UNC5D: variants seen among roughly 807,000 people sequenced by gnomAD.
The protein encoded by UNC5D is unc-5 netrin receptor D.
UNC5D carries 39 observed loss-of-function variants against 105.4 expected under a neutral mutation model. The ratio of observed to expected loss-of-function variants is 0.37; its 90% CI spans 0.29 to 0.48. The LOEUF is 0.48. Among genes scored for constraint, UNC5D ranks in the 20% least tolerant of loss-of-function variants. UNC5D has a pLI of 0.98. For synonymous variants in UNC5D, 452 were observed against 450.4 expected (o/e 1.00, Z -0.04); for missense variants, 991 against 1,202.4 (o/e 0.82, Z 2.60).
intron 1 of UNC5D, among the ~76,000 whole-genome samples, chr8:35,427,057 A>T (rs1332973971): frequency 1.3e-5 from 2 of 152,160 alleles, no homozygotes; most frequent in Non-Finnish European, 1.5e-5. Flanking sequence ...ATCTTCTTTG[A>T]TTTATTCCCC....
At chr8:35,551,365 G>A (rs534622683) in intron 2 of UNC5D, among the ~76,000 whole-genome samples, 1 of 152,290 alleles carries the variant, frequency 6.6e-6, no homozygotes, top group Admixed American at 6.5e-5. Context: ...ATAATTAGTA[G>A]GTAGAAGAGT....
chr8:35,572,997 G>A (rs987954910), intron 3 of UNC5D, among the ~76,000 whole-genome samples: 8 of 151,908 alleles, frequency 5.3e-5, no homozygotes, highest in African/African-American at 1.7e-4. Flanking sequence ...TAGAGACGGG[G>A]TTTCACCGTG....
chr8:35,371,729 C>T (rs867535484), intron 1 of UNC5D, among the ~76,000 whole-genome samples: 1 of 152,170 alleles, frequency 6.6e-6, no homozygotes, highest in Non-Finnish European at 1.5e-5. Context: ...TGTGCACCCT[C>T]CTACAATTCT....
At chr8:35,250,449 A>C (rs149259103) in intron 1 of UNC5D, among the ~76,000 whole-genome samples, 68 of 152,270 alleles carry the variant, frequency 4.5e-4, no homozygotes, top group Admixed American at 4.4e-3. Context: ...AGGTTTGAGA[A>C]TGATTGATCC....
intron 1 of UNC5D, among the ~76,000 whole-genome samples, chr8:35,425,358 C>T (rs1806173089): frequency 6.6e-6 from 1 of 152,068 alleles, no homozygotes; most frequent in Non-Finnish European, 1.5e-5. Context: ...CCACTTCAGT[C>T]CCTGGCTAAA....
At chr8:35,518,940 G>C (rs533549714) in intron 1 of UNC5D, among the ~76,000 whole-genome samples, 87 of 152,202 alleles carry the variant, frequency 5.7e-4, no homozygotes, top group Non-Finnish European at 1.5e-4. Context: ...GATCACAAGA[G>C]GTGGGGAATT....
intron 1 of UNC5D, among the ~76,000 whole-genome samples, chr8:35,432,110 T>C (rs1222022819): frequency 6.6e-6 from 1 of 152,134 alleles, no homozygotes. Context: ...ATCTATAATA[T>C]ACTAGCTGTG....
intron 1 of UNC5D, among the ~76,000 whole-genome samples, chr8:35,505,216 T>C (rs1812231712): frequency 6.6e-6 from 1 of 152,238 alleles, no homozygotes; most frequent in Non-Finnish European, 1.5e-5. Flanking sequence ...GATGACCTGT[T>C]TTCTAAATTT....
intron 1 of UNC5D, among the ~76,000 whole-genome samples, chr8:35,248,252 AAT>A (rs1290017381): frequency 9.3e-6 from 1 of 107,262 alleles, no homozygotes; most frequent in African/African-American, 4.1e-5. Context: ...ATAATATATA[AAT>A]ATATGTTATA....
At chr8:35,555,762 G>A (rs1816493481) in intron 2 of UNC5D, among the ~76,000 whole-genome samples, 1 of 151,502 alleles carries the variant, frequency 6.6e-6, no homozygotes, top group African/African-American at 2.4e-5. Context: ...AAAGGTAGAG[G>A]TTGCAGTGAG....
At chr8:35,471,983 C>T (rs1027025530) in intron 1 of UNC5D, among the ~76,000 whole-genome samples, 2 of 151,524 alleles carry the variant, frequency 1.3e-5, no homozygotes, top group Non-Finnish European at 2.9e-5. Flanking sequence ...CAGTACTAGA[C>T]AGGTAAAACT....
Position 35,522,938 on chromosome 8 carries a change from A to G in UNC5D, c.104-26354A>G, listed in dbSNP as rs1813590610. On this transcript the variant is annotated intron_variant, in intron 1 of 16. Coordinates refer to ENST00000404895, the MANE Select transcript of UNC5D (RefSeq NM_080872.4). ...TCTGAAAACTTGCTTGAATAGCCTG[A>G]TAACAGTATTTGCCAATCAATGATT... 1.3e-5 allele frequency among the ~76,000 whole-genome samples: 2 copies of G among 152,198 alleles called. 1 individual carries two copies. The highest frequency in any genetic ancestry group is 4.1e-4 in the South Asian group (2 of 4,832).
intron 1 of UNC5D, among the ~76,000 whole-genome samples, chr8:35,445,314 A>T (rs1585859744): frequency 3.3e-5 from 5 of 152,096 alleles, no homozygotes; most frequent in Non-Finnish European, 5.9e-5. Context: ...AGTTAACAAA[A>T]TAAAAACTAT....
At chr8:35,580,162 T>C (rs983550624) in intron 3 of UNC5D, among the ~76,000 whole-genome samples, 2 of 152,164 alleles carry the variant, frequency 1.3e-5, no homozygotes, top group Non-Finnish European at 1.5e-5. Context: ...AAGAATGAGA[T>C]ACTGGTTTTA....
intron 1 of UNC5D, among the ~76,000 whole-genome samples, chr8:35,280,025 T>C (rs545517164): frequency 1.9e-4 from 29 of 152,272 alleles, no homozygotes; most frequent in African/African-American, 6.7e-4. Context: ...AGACAGAGTC[T>C]CACTTTGTCA....
Position 35,241,920 on chromosome 8 carries a change from T to C in UNC5D, c.103+6033T>C, listed in dbSNP as rs575539010. Among the ~76,000 whole-genome samples, 3 of 152,352 alleles carry C rather than the reference T, an allele frequency of 2.0e-5. No individual in the cohort carries two copies. The East Asian group carries it at 5.8e-4, about 29-fold the overall frequency. On this transcript the variant is annotated intron_variant, in intron 1 of 16. Coordinates refer to ENST00000404895, the MANE Select transcript of UNC5D (RefSeq NM_080872.4). ...GTCACCCTACTGATCTATCAGACAC[T>C]GGGTCTTATTCTATTAAGTGGTATA...
intron 1 of UNC5D, among the ~76,000 whole-genome samples, chr8:35,285,245 C>T (rs574858715): frequency 4.6e-5 from 7 of 152,238 alleles, no homozygotes; most frequent in South Asian, 2.1e-4. Context: ...AAAAGGCCTG[C>T]GTATTTTTCC....
intron 1 of UNC5D, among the ~76,000 whole-genome samples, chr8:35,281,666 G>A (rs201943609): frequency 2.6e-5 from 4 of 152,244 alleles, no homozygotes; most frequent in African/African-American, 4.8e-5. Context: ...TTTATGGGCT[G>A]TGTGATGGAT....
rs1377330756 is a variant in UNC5D at position 35,726,508 on chromosome 8, C to T, written c.1660C>T (p.Arg554Cys). The change falls in exon 10 of 17, where the codon CGC becomes TGC. Residue 554 changes from arginine (R) to cysteine (C), a missense_variant. This residue lies in a region of UNC5D where 944 missense variants were observed against 1,131.6 expected (regional missense o/e 0.83). Coordinates refer to ENST00000404895, the MANE Select transcript of UNC5D (RefSeq NM_080872.4). ...TTGVFGHLGG[R>C]LVMPNTGVSL... ...TGGTGTCTTTGGCCATTTAGGGGGG[C>T]GCTTAGTAATGCCAAATACAGGTGG... 5.0e-6 allele frequency: 8 copies of T among 1,612,796 alleles called. No individual in the cohort carries two copies. The highest frequency in any genetic ancestry group is 2.2e-5 in the South Asian group (2 of 91,072).
Sources: gnomAD v4.1 joint callset for allele counts (sites outside exome capture counted in the v4.1 genomes callset) on GRCh38, gnomAD v4.1.1 for gene constraint, gnomAD v4.1.1 regional missense constraint, MANE v1.5 for transcripts, NCBI Gene and HGNC (gene_info 2026-07-23, HGNC 2026-07-21) for gene names.